Variants in CSGALNACT1 observed in about 807,000 individuals in gnomAD.
The protein encoded by CSGALNACT1 is beta4GalNAcT-1.
Under a neutral mutation model 51.0 loss-of-function variants are expected in CSGALNACT1, and 52 were observed. The observed-to-expected ratio is 1.02, with a 90% CI of 0.82 to 1.29. The LOEUF (loss-of-function observed/expected upper bound fraction) is 1.29. Ranked by LOEUF, CSGALNACT1 falls within the 50% of genes most tolerant of loss-of-function variation. The pLI is 0.00. For missense variants in CSGALNACT1, 935 were observed against 679.2 expected (o/e 1.38, Z -4.19); for synonymous variants, 341 against 254.4 (o/e 1.34, Z -3.24).
intron 4 of CSGALNACT1, among the ~76,000 whole-genome samples, chr8:19,490,692 C>T (rs2074182579): frequency 6.6e-6 from 1 of 152,170 alleles, no homozygotes; most frequent in African/African-American, 2.4e-5. Context: ...GAGCCCAGGA[C>T]ACAATGAGGC....
At chr8:19,680,335 C>T (rs1347534560) in intron 1 of CSGALNACT1, among the ~76,000 whole-genome samples, 1 of 152,188 alleles carries the variant, frequency 6.6e-6, no homozygotes, top group Non-Finnish European at 1.5e-5. Flanking sequence ...GCAGGTGGAT[C>T]ACCTGAGGTC....
intron 1 of CSGALNACT1, among the ~76,000 whole-genome samples, chr8:19,639,556 C>T (rs969310885): frequency 6.6e-6 from 1 of 152,160 alleles, no homozygotes; most frequent in African/African-American, 2.4e-5. Context: ...CACATAGTTC[C>T]ATAGCAGGAC....
At chr8:19,418,057 C>T (rs565747904) in intron 8 of CSGALNACT1, among the ~76,000 whole-genome samples, 12 of 152,308 alleles carry the variant, frequency 7.9e-5, no homozygotes, top group African/African-American at 2.4e-4. Flanking sequence ...GCAGAGAAGT[C>T]CTTCCAATAT....
At chr8:19,687,027 C>T (rs1443149629), upstream of CSGALNACT1, among the ~76,000 whole-genome samples, 1 of 152,204 alleles carries the variant, frequency 6.6e-6, no homozygotes, top group African/African-American at 2.4e-5. Context: ...CAACAAAGAT[C>T]TGTTTTTCAA....
At chr8:19,545,400 C>T (rs1486547772) in intron 3 of CSGALNACT1, among the ~76,000 whole-genome samples, 1 of 152,150 alleles carries the variant, frequency 6.6e-6, no homozygotes, top group Non-Finnish European at 1.5e-5. Context: ...AATTTTCCTG[C>T]AGACTTATCT....
upstream of CSGALNACT1, among the ~76,000 whole-genome samples, chr8:19,687,374 GAA>G (rs1165834934): frequency 6.6e-6 from 1 of 152,050 alleles, no homozygotes; most frequent in Non-Finnish European, 1.5e-5. Flanking sequence ...TTTTGCTTTA[GAA>G]AAAGAGTATA....
chr8:19,565,091 G>A (rs1271495560), intron 3 of CSGALNACT1, among the ~76,000 whole-genome samples: 1 of 152,194 alleles, frequency 6.6e-6, no homozygotes, highest in African/African-American at 2.4e-5. Flanking sequence ...AAGGTTACAA[G>A]CATCCTTGCT....
At chr8:19,623,121 TA>T (rs1294614895) in intron 1 of CSGALNACT1, among the ~76,000 whole-genome samples, 2 of 152,152 alleles carry the variant, frequency 1.3e-5, no homozygotes, top group Non-Finnish European at 2.9e-5. Flanking sequence ...AGTAAAGGGT[TA>T]AAAAACATAT....
intron 6 of CSGALNACT1, among the ~76,000 whole-genome samples, chr8:19,426,630 A>G (rs2058816236): frequency 6.6e-6 from 1 of 152,210 alleles, no homozygotes; most frequent in African/African-American, 2.4e-5. Flanking sequence ...TTGTATTATC[A>G]ACTGACAAAA....
intron 3 of CSGALNACT1, among the ~76,000 whole-genome samples, chr8:19,521,244 G>T (rs998307070): frequency 3.3e-5 from 5 of 152,094 alleles, no homozygotes; most frequent in Admixed American, 2.0e-4. Flanking sequence ...AACTGGAGAG[G>T]AAAGACTGGC....
At chr8:19,489,534 A>C (rs1181375917) in intron 4 of CSGALNACT1, among the ~76,000 whole-genome samples, 1 of 152,184 alleles carries the variant, frequency 6.6e-6, no homozygotes, top group South Asian at 2.1e-4. Flanking sequence ...TTCATTCAAC[A>C]AACATTTAAT....
intron 1 of CSGALNACT1, among the ~76,000 whole-genome samples, chr8:19,753,694 G>T (rs1183808908): frequency 6.6e-6 from 1 of 152,060 alleles, no homozygotes; most frequent in East Asian, 1.9e-4. Flanking sequence ...CAGATTAAAG[G>T]TATTTAGTTT....
At chr8:19,561,712 T>A (rs2040765050) in intron 3 of CSGALNACT1, among the ~76,000 whole-genome samples, 1 of 152,210 alleles carries the variant, frequency 6.6e-6, no homozygotes, top group Non-Finnish European at 1.5e-5. Context: ...TCTGACCTTG[T>A]TACTAGAAAC....
chr8:19,405,821 G>T lies in CSGALNACT1; in HGVS notation c.1558C>A (p.Leu520Ile), dbSNP rs372014844. 3.7e-6 allele frequency: 6 copies of T among 1,614,018 alleles called. No homozygotes were observed. In the African/African-American group the frequency reaches 8.0e-5, roughly 22 times the overall value. ...CTTGTCTTCTGTTTCTGTTTGCGAA[G>T]GTGAGCCTCTATCTCGTGCCTGAAC... The change falls in exon 10 of 10, where the codon CTT (leucine) becomes ATT (isoleucine). Residue 520 changes from leucine (L) to isoleucine (I), a missense_variant. Transcript: ENST00000454498.
At chr8:19,675,309 C>T (rs779699989) in intron 1 of CSGALNACT1, among the ~76,000 whole-genome samples, 2 of 152,178 alleles carry the variant, frequency 1.3e-5, no homozygotes, top group African/African-American at 2.4e-5. Flanking sequence ...AATTTCCTTC[C>T]CCCACTTTCC....
intron 1 of CSGALNACT1, among the ~76,000 whole-genome samples, chr8:19,661,088 T>C (rs2058710915): frequency 6.6e-6 from 1 of 152,010 alleles, no homozygotes; most frequent in East Asian, 1.9e-4. Context: ...AATTTTTTTT[T>C]TTTTTTTAGT....
upstream of CSGALNACT1, among the ~76,000 whole-genome samples, chr8:19,606,980 C>G (rs577143141): frequency 6.6e-5 from 10 of 151,998 alleles, no homozygotes; most frequent in African/African-American, 2.4e-4. Flanking sequence ...ACGGGGAAAC[C>G]CTGTCTGTAC....
chr8:19,623,375 T>C (rs1221811354), intron 1 of CSGALNACT1, among the ~76,000 whole-genome samples: 2 of 152,210 alleles, frequency 1.3e-5, no homozygotes, highest in African/African-American at 4.8e-5. Flanking sequence ...TGTGAAGATA[T>C]TTTGAACAAA....
chr8:19,510,626 A>G (rs1408508345), intron 3 of CSGALNACT1, among the ~76,000 whole-genome samples: 1 of 152,234 alleles, frequency 6.6e-6, no homozygotes, highest in African/African-American at 2.4e-5. Flanking sequence ...CCAAACAGAC[A>G]AATACCATTA....
Sources: allele counts gnomAD v4.1 joint callset (sites outside exome capture counted in the v4.1 genomes callset), GRCh38; gene constraint gnomAD v4.1.1; transcripts MANE v1.5; gene names NCBI Gene and HGNC (gene_info 2026-07-23, HGNC 2026-07-21).